Variants in NUDCD3 observed in about 807,000 individuals in gnomAD.
The protein encoded by NUDCD3 is NudC domain containing 3.
NUDCD3 carries 13 observed loss-of-function variants against 39.7 expected under a neutral mutation model. The ratio of observed to expected loss-of-function variants is 0.33; its 90% CI spans 0.21 to 0.52. The LOEUF (loss-of-function observed/expected upper bound fraction) is 0.52, where lower values mean the gene tolerates loss of function less well. Ranked by LOEUF, NUDCD3 falls within the 20% of genes least tolerant of loss-of-function variation. NUDCD3 has a pLI of 0.96. For synonymous variants in NUDCD3, 175 were observed against 172.4 expected, an observed-to-expected ratio of 1.02 and a Z score of -0.12; for missense variants, 453 against 458.1, an observed-to-expected ratio of 0.99 and a Z score of 0.10.
intron 3 of NUDCD3, among the ~76,000 whole-genome samples, chr7:44,407,585 A>C (rs1798852706): frequency 6.6e-6 from 1 of 151,458 alleles, no homozygotes; most frequent in African/African-American, 2.4e-5. Context: ...AAAAAAAAAA[A>C]ACTAGAGAAC....
chr7:44,477,917 TC>T (rs1441560743), intron 2 of NUDCD3, among the ~76,000 whole-genome samples: 1 of 135,420 alleles, frequency 7.4e-6, no homozygotes, highest in Non-Finnish European at 1.5e-5. Context: ...CACTGCAACC[TC>T]CACCTCCCGG....
At chr7:44,389,515 A>G (rs959604580) in intron 5 of NUDCD3, among the ~76,000 whole-genome samples, 1 of 152,216 alleles carries the variant, frequency 6.6e-6, no homozygotes, top group African/African-American at 2.4e-5. Flanking sequence ...CGTCTCTACT[A>G]AAAATACAAA....
At chr7:44,436,418 A>G (rs1481844408) in intron 2 of NUDCD3, among the ~76,000 whole-genome samples, 3 of 152,174 alleles carry the variant, frequency 2.0e-5, no homozygotes, top group Non-Finnish European at 1.5e-5. Context: ...TGAAAATCTA[A>G]AGAGTTTGTC....
At chr7:44,439,418 G>A (rs1367508500) in intron 2 of NUDCD3, among the ~76,000 whole-genome samples, 1 of 152,156 alleles carries the variant, frequency 6.6e-6, no homozygotes, top group Non-Finnish European at 1.5e-5. Context: ...ACAGGGCCTA[G>A]AAGCAGGAGC....
chr7:44,386,046 T>G lies in NUDCD3; in HGVS notation c.1051A>C (p.Met351Leu). ...ACAGCCCCCGGGGAGATGTTGAACA[T>G]GGCAGGGTCGAATCGCTGGCCTCGG... ...PFRGQRFDPA[M>L]FNISPGAVQF Residue 351 changes from methionine to leucine, a missense_variant, in exon 6 of 6, where the codon ATG becomes CTG. By Grantham distance (15) the Met-to-Leu change is conservative. Transcript: ENST00000355451. 6.2e-7 allele frequency: 1 copy of G among 1,604,330 alleles called. No homozygotes were observed. The highest frequency in any genetic ancestry group is 1.1e-5 in the South Asian group (1 of 90,938).
chr7:44,430,503 A>C (rs532998332), intron 2 of NUDCD3, among the ~76,000 whole-genome samples: 1 of 152,204 alleles, frequency 6.6e-6, no homozygotes, highest in African/African-American at 2.4e-5. Flanking sequence ...TTTTGTACAT[A>C]CATTACCATT....
At chr7:44,450,179 A>AT (rs374708841) in intron 2 of NUDCD3, among the ~76,000 whole-genome samples, 7,937 of 144,290 alleles carry the variant, frequency 0.055, 269 homozygotes, top group South Asian at 0.11. Context: ...AGAATGTCTA[A>AT]TTTTTTTTTT....
intron 1 of NUDCD3, chr7:44,489,736 G>A (rs1014384568): frequency 3.3e-5 from 5 of 150,040 alleles, no homozygotes; most frequent in Admixed American, 6.7e-5. Context: ...GTGTCACAAG[G>A]AGAGAGAAAC....
Position 44,404,458 on chromosome 7 carries a change from C to T in NUDCD3, c.768G>A (p.Glu256=), listed in dbSNP as rs747447752. 6.2e-7 allele frequency: 1 copy of T among 1,614,104 alleles called. No homozygotes were observed. The highest frequency in any genetic ancestry group is 1.1e-5 in the South Asian group (1 of 91,082). Residue 256 remains glutamate (E), a synonymous_variant, in exon 4 of 6, where the codon GAG becomes GAA. Transcript: ENST00000355451. ...AACTTACCAAAACGCACTTCCCGGGCTCGAGACTCCAGAGAGAACTCTCAG... is the reference window on the plus strand; with the variant it reads ...AACTTACCAAAACGCACTTCCCGGGTTCGAGACTCCAGAGAGAACTCTCAG... ...INTESSLWSL[E]PGKCVLVNLS...
At chr7:44,477,822 CTTTTTTTTTTT>C (rs938640330) in intron 2 of NUDCD3, among the ~76,000 whole-genome samples, 1 of 94,148 alleles carries the variant, frequency 1.1e-5, no homozygotes, top group South Asian at 3.6e-4. Context: ...ATGAACAATT[CTTTTTTTTTTT>C]TTTTTTTTTT....
At chr7:44,399,214 C>T (rs1157421704) in intron 4 of NUDCD3, among the ~76,000 whole-genome samples, 1 of 152,240 alleles carries the variant, frequency 6.6e-6, no homozygotes, top group African/African-American at 2.4e-5. Context: ...CTTCCACTCA[C>T]ACTGGAACAG....
At chr7:44,420,926 A>G (rs1230825678) in intron 3 of NUDCD3, among the ~76,000 whole-genome samples, 1 of 152,270 alleles carries the variant, frequency 6.6e-6, no homozygotes, top group Non-Finnish European at 1.5e-5. Flanking sequence ...CAACACTATG[A>G]AGAAACTGCA....
At chr7:44,431,375 G>C (rs1361268612) in intron 2 of NUDCD3, among the ~76,000 whole-genome samples, 1 of 152,200 alleles carries the variant, frequency 6.6e-6, no homozygotes, top group Non-Finnish European at 1.5e-5. Context: ...CACAGAACAG[G>C]CTCTGTTGGG....
At chr7:44,416,194 C>T (rs1297734152) in intron 3 of NUDCD3, among the ~76,000 whole-genome samples, 1 of 152,134 alleles carries the variant, frequency 6.6e-6, no homozygotes, top group Non-Finnish European at 1.5e-5. Flanking sequence ...GGTAATCCTC[C>T]CACCTCTGCC....
At chr7:44,409,188 C>T (rs1327614198) in intron 3 of NUDCD3, among the ~76,000 whole-genome samples, 1 of 152,126 alleles carries the variant, frequency 6.6e-6, no homozygotes, top group Non-Finnish European at 1.5e-5. Context: ...CCTAAGAAGG[C>T]CTTAAGCTCT....
Position 44,490,522 on chromosome 7 carries a change from G to A in NUDCD3, c.79C>T (p.Leu27=). The A allele has an allele frequency of 6.2e-7, 1 of 1,612,132 alleles. No homozygotes were observed. Among genetic ancestry groups the A allele is most frequent in the Non-Finnish European group, 8.5e-7 (1 of 1,179,204 alleles). The part of the protein sequence containing the change: ...LQHVGNVQDF[L]RVLFGFLYRK... ...TAGAGGAAGCCAAAGAGAACGCGCA[G>A]GAAATCCTGGACGTTGCCCACGTGC... Residue 27 remains leucine, a synonymous_variant, in exon 1 of 6, where the codon CTG becomes TTG. Coordinates refer to ENST00000355451, the MANE Select transcript of NUDCD3 (RefSeq NM_015332.4).
At chr7:44,461,625 TGAA>T (rs757036649) in intron 2 of NUDCD3, among the ~76,000 whole-genome samples, 41 of 152,152 alleles carry the variant, frequency 2.7e-4, no homozygotes, top group Admixed American at 5.9e-4. Flanking sequence ...AAGGAGCCTT[TGAA>T]GAAGCACCAA....
rs184775540 is a variant in NUDCD3 at position 44,432,592 on chromosome 7, G to A, written c.510-4889C>T. Among the ~76,000 whole-genome samples the A allele has an allele frequency of 1.5e-3, 226 of 152,258 alleles. 1 individual carries two copies. The highest frequency in any genetic ancestry group is 5.0e-3 in the African/African-American group (208 of 41,542). ...TCAAGCTTGCTGCTCCCCACTTCCC[G>A]CCCCCTGGGGCTCAGTGATTGAGGC... is the stretch of plus-strand genomic sequence containing the variant. On this transcript the variant is annotated intron_variant, in intron 2 of 5. Coordinates refer to ENST00000355451, the MANE Select transcript of NUDCD3 (RefSeq NM_015332.4).
chr7:44,455,899 G>A (rs1019247143), intron 2 of NUDCD3, among the ~76,000 whole-genome samples: 1 of 149,186 alleles, frequency 6.7e-6, no homozygotes, highest in Non-Finnish European at 1.5e-5. Context: ...AGTGGCGGGC[G>A]CCTGTAGTCC....
Sources: allele counts gnomAD v4.1 joint callset (sites outside exome capture counted in the v4.1 genomes callset), GRCh38; gene constraint gnomAD v4.1.1; transcripts MANE v1.5; gene names NCBI Gene and HGNC (gene_info 2026-07-23, HGNC 2026-07-21).